Variants in PDZRN4 observed in about 807,000 individuals in gnomAD.
The protein encoded by PDZRN4 is PDZ domain containing ring finger 4, also known as PDZ domain-containing RING finger protein 4.
A neutral mutation model predicts 99.0 loss-of-function variants in PDZRN4; 70 were observed. The observed-to-expected ratio is 0.71, with a 90% CI of 0.58 to 0.86. The LOEUF (loss-of-function observed/expected upper bound fraction) is 0.86. PDZRN4 is among the 40% of genes least tolerant of loss of function. The pLI is 0.00. For synonymous variants in PDZRN4, 551 were observed against 501.6 expected (o/e 1.10, Z -1.32); for missense variants, 1,474 against 1,331.2 (o/e 1.11, Z -1.67).
chr12:41,475,546 T>G (rs1264746396), intron 3 of PDZRN4, among the ~76,000 whole-genome samples: 2 of 152,200 alleles, frequency 1.3e-5, no homozygotes, highest in African/African-American at 4.8e-5. Context: ...TTAAATGGTA[T>G]TGTAGAAAAT....
At chr12:41,237,120 A>T (rs1320954160) in intron 3 of PDZRN4, among the ~76,000 whole-genome samples, 1 of 152,146 alleles carries the variant, frequency 6.6e-6, no homozygotes, top group Non-Finnish European at 1.5e-5. Context: ...AAACATAATT[A>T]GGTGATATTA....
intron 3 of PDZRN4, among the ~76,000 whole-genome samples, chr12:41,454,122 G>A (rs893631311): frequency 6.6e-6 from 1 of 151,844 alleles, no homozygotes; most frequent in Non-Finnish European, 1.5e-5. Context: ...ATTGTTGTAA[G>A]CTGAAGCCAA....
At chr12:41,562,488 A>T (rs1939286091) in intron 7 of PDZRN4, among the ~76,000 whole-genome samples, 1 of 152,142 alleles carries the variant, frequency 6.6e-6, no homozygotes, top group African/African-American at 2.4e-5. Flanking sequence ...CATTTATTCA[A>T]GTAATTAATA....
intron 3 of PDZRN4, among the ~76,000 whole-genome samples, chr12:41,348,750 A>G (rs1311591454): frequency 6.6e-6 from 1 of 151,992 alleles, no homozygotes; most frequent in Admixed American, 6.6e-5. Context: ...TTTAAATGAA[A>G]CACCATTTTT....
intron 3 of PDZRN4, among the ~76,000 whole-genome samples, chr12:41,467,827 C>A (rs1006601976): frequency 1.3e-5 from 2 of 152,178 alleles, no homozygotes; most frequent in Non-Finnish European, 2.9e-5. Flanking sequence ...AGTGAGAAAT[C>A]ACTTATTCCA....
chr12:41,415,718 A>G (rs1952439444), intron 3 of PDZRN4, among the ~76,000 whole-genome samples: 1 of 152,208 alleles, frequency 6.6e-6, no homozygotes, highest in Non-Finnish European at 1.5e-5. Context: ...TGTGTCCAGA[A>G]GGCATGCTTT....
At chr12:41,547,541 G>C (rs1270331238) in intron 5 of PDZRN4, among the ~76,000 whole-genome samples, 2 of 152,064 alleles carry the variant, frequency 1.3e-5, no homozygotes, top group Non-Finnish European at 2.9e-5. Context: ...CAGGAGACTC[G>C]CTTGAACCTG....
intron 5 of PDZRN4, among the ~76,000 whole-genome samples, chr12:41,530,552 T>C (rs1938643129): frequency 1.3e-5 from 2 of 152,206 alleles, no homozygotes; most frequent in Admixed American, 1.3e-4. Context: ...GTTTTAGTTT[T>C]GTAATATTAC....
intron 3 of PDZRN4, among the ~76,000 whole-genome samples, chr12:41,283,590 C>T (rs931831302): frequency 3.9e-5 from 6 of 152,164 alleles, no homozygotes; most frequent in Non-Finnish European, 8.8e-5. Flanking sequence ...CCGTGATAAA[C>T]ATCAATGCGA....
rs147617478 is a variant in PDZRN4, at chr12:41,226,063, C to T, written c.843+31875C>T. The stretch of plus-strand genomic sequence containing the variant: ...TGGTTAAATGATGTCTTGAAAGGTT[C>T]GTACTGATCATTTGGTGTCATTTTT... On this transcript the variant is annotated intron_variant, in intron 3 of 9. Coordinates refer to ENST00000402685, the MANE Select transcript of PDZRN4 (RefSeq NM_001164595.2). 5.0e-3 allele frequency among the ~76,000 whole-genome samples: 753 copies of T among 151,996 alleles called. 1 individual carries two copies. The highest frequency in any genetic ancestry group is 7.1e-3 in the Non-Finnish European group (482 of 68,000).
intron 3 of PDZRN4, among the ~76,000 whole-genome samples, chr12:41,483,191 C>T (rs1937708678): frequency 1.3e-5 from 2 of 151,992 alleles, no homozygotes; most frequent in South Asian, 4.2e-4. Context: ...AGTAGGTGAC[C>T]TCCACAACCA....
rs543025107 is a variant in PDZRN4, at chr12:41,488,066, C to G, written c.844-18390C>G. On this transcript the variant is annotated intron_variant, in intron 3 of 9. Transcript: ENST00000402685. Reference sequence around the variant, plus strand: ...AGTCATGTCAGGAGCACCAAATAGTCAAGTACTATTTTCAGAACAAATGTT... The same window carrying G: ...AGTCATGTCAGGAGCACCAAATAGTGAAGTACTATTTTCAGAACAAATGTT... Among the ~76,000 whole-genome samples the G allele has an allele frequency of 6.7e-4, 102 of 152,266 alleles. 1 individual carries two copies. The highest frequency in any genetic ancestry group is 2.4e-3 in the African/African-American group (99 of 41,556).
At chr12:41,393,972 T>C (rs976139341) in intron 3 of PDZRN4, among the ~76,000 whole-genome samples, 1 of 152,186 alleles carries the variant, frequency 6.6e-6, no homozygotes, top group African/African-American at 2.4e-5. Context: ...GAACATGTCT[T>C]AGTCAATTTG....
At chr12:41,352,575 C>T (rs1455337366) in intron 3 of PDZRN4, among the ~76,000 whole-genome samples, 1 of 152,080 alleles carries the variant, frequency 6.6e-6, no homozygotes, top group Non-Finnish European at 1.5e-5. Flanking sequence ...TATGAGAGTT[C>T]AATTATTCTA....
chr12:41,541,487 C>T (rs994067607), intron 5 of PDZRN4, among the ~76,000 whole-genome samples: 15 of 147,132 alleles, frequency 1.0e-4, no homozygotes, highest in African/African-American at 3.2e-4. Context: ...CTTGCTCTGT[C>T]GCCCAGGCTG....
chr12:41,472,624 G>A (rs1469727477), intron 3 of PDZRN4, among the ~76,000 whole-genome samples: 2 of 152,050 alleles, frequency 1.3e-5, no homozygotes, highest in Non-Finnish European at 2.9e-5. Flanking sequence ...GGTATCCTAG[G>A]CTCATCACAT....
At chr12:41,215,152 T>C (rs1362723844) in intron 3 of PDZRN4, among the ~76,000 whole-genome samples, 1 of 152,082 alleles carries the variant, frequency 6.6e-6, no homozygotes, top group Admixed American at 6.6e-5. Flanking sequence ...ACCAATTACC[T>C]GGCTTGAATT....
intron 4 of PDZRN4, among the ~76,000 whole-genome samples, chr12:41,507,934 C>T (rs1009737343): frequency 1.3e-5 from 2 of 151,920 alleles, no homozygotes; most frequent in African/African-American, 4.8e-5. Context: ...GAACAAAAAG[C>T]AAGGAAACAA....
chr12:41,302,777 G>A (rs1156574559), intron 3 of PDZRN4, among the ~76,000 whole-genome samples: 1 of 151,628 alleles, frequency 6.6e-6, no homozygotes, highest in Non-Finnish European at 1.5e-5. Context: ...TGTTAATTTT[G>A]CACTCCTCCC....
Sources: allele counts gnomAD v4.1 joint callset (sites outside exome capture counted in the v4.1 genomes callset), GRCh38; gene constraint gnomAD v4.1.1; transcripts MANE v1.5; gene names NCBI Gene and HGNC (gene_info 2026-07-23, HGNC 2026-07-21).